PPP2R5C: variants seen among roughly 807,000 people sequenced by gnomAD.
PPP2R5C encodes the protein serine/threonine-protein phosphatase 2A 56 kDa regulatory subunit gamma isoform.
A neutral mutation model predicts 68.9 loss-of-function variants in PPP2R5C; 7 were observed. The ratio of observed to expected loss-of-function variants is 0.10; its 90% CI spans 0.06 to 0.19. PPP2R5C has a LOEUF of 0.19. PPP2R5C is among the 10% of genes least tolerant of loss of function. PPP2R5C has a pLI of 1.00. For missense variants in PPP2R5C, 348 were observed against 641.3 expected (o/e 0.54, Z 4.94); for synonymous variants, 210 against 222.2 (o/e 0.95, Z 0.49).
At position 101,882,577 on chromosome 14, in the gene PPP2R5C, T is replaced by A. The variant is rs2044229493; in HGVS notation, c.405+306T>A. 4.1e-6 allele frequency: 1 copy of A among 241,688 alleles called. No homozygotes were observed. Among genetic ancestry groups the A allele is most frequent in the Admixed American group, 5.4e-5 (1 of 18,600 alleles). The allele number at this position is 241,688 out of a possible 1,614,324, so 15.0% of individuals were successfully genotyped here. A position where few individuals can be genotyped will look rare whatever the true frequency, so the allele number is the denominator to read the frequency against. The stretch of plus-strand genomic sequence containing the variant: ...GTCCTAAGCCAACAATCTCCCAGTT[T>A]TTGCTCCTCATATTTAATAGGTGCC... On this transcript the variant is annotated intron_variant, in intron 3 of 13. Transcript: ENST00000334743. The surrounding 1 kb of genome is among the most constrained non-coding windows in gnomAD (Gnocchi z 4.9).
intron 5 of PPP2R5C, among the ~76,000 whole-genome samples, chr14:101,887,108 A>G (rs2044578493): frequency 6.6e-6 from 1 of 152,228 alleles, no homozygotes; most frequent in African/African-American, 2.4e-5. Context: ...GGCTCAACTT[A>G]ACTGAAAATG....
rs1711918007 is a variant in PPP2R5C at position 101,906,648 on chromosome 14, G to A, written c.1151+119G>A. On this transcript the variant is annotated intron_variant, in intron 10 of 13. Transcript: ENST00000334743. This position sits in a 1 kb window ranked among gnomAD's most constrained non-coding sequence, Gnocchi z 4.0. Reference sequence around the variant, plus strand: ...TATCAATTAAAAAACAAGAAGGTCAGTTGCTTTGTGGACTCATAAATTAAG... The same window carrying A: ...TATCAATTAAAAAACAAGAAGGTCAATTGCTTTGTGGACTCATAAATTAAG... 2 of 1,334,296 alleles carry A rather than the reference G, an allele frequency of 1.5e-6. No homozygotes were observed. Among genetic ancestry groups the A allele is most frequent in the Admixed American group, 2.5e-5 (1 of 39,726 alleles). 82.7% of individuals were successfully genotyped at this position (1,334,296 alleles called of 1,614,324 possible).
intron 2 of PPP2R5C, among the ~76,000 whole-genome samples, chr14:101,764,685 G>T (rs926903100): frequency 6.6e-6 from 1 of 152,038 alleles, no homozygotes; most frequent in African/African-American, 2.4e-5. Flanking sequence ...GACAACTGAG[G>T]TTTACTGTGC....
In PPP2R5C at chr14:101,882,054, G is replaced by A; in HGVS notation, c.295-107G>A. The A allele has an allele frequency of 1.1e-6, 1 of 907,584 alleles. No individual in the cohort carries two copies. Among genetic ancestry groups the A allele is most frequent in the Non-Finnish European group, 1.6e-6 (1 of 622,062 alleles). The allele number at this position is 907,584 out of a possible 1,614,324, so 56.2% of individuals were successfully genotyped here. On this transcript the variant is annotated intron_variant, in intron 2 of 13. Transcript: ENST00000334743. The surrounding 1 kb of genome is among the most constrained non-coding windows in gnomAD (Gnocchi z 4.9). Reference sequence around the variant, plus strand: ...CGTTTTGAGGATACGGAGGAGCTAAGTTACCATGGGAAGCGGCTACTGTTA... The same window carrying A: ...CGTTTTGAGGATACGGAGGAGCTAAATTACCATGGGAAGCGGCTACTGTTA...
rs111526725 is a variant in PPP2R5C at position 101,913,148 on chromosome 14, T to G, written c.1326+675T>G. ...GCTGCTGTAAATGACTAGAGCGTTATGACAGTTTCTTCACGTTCTGTGTGC... is the reference window on the plus strand; with the variant it reads ...GCTGCTGTAAATGACTAGAGCGTTAGGACAGTTTCTTCACGTTCTGTGTGC... On this transcript the variant is annotated intron_variant, in intron 12 of 13. Coordinates refer to ENST00000334743, the Ensembl canonical transcript of PPP2R5C. The surrounding 1 kb of genome is among the most constrained non-coding windows in gnomAD (Gnocchi z 4.1). Among the ~76,000 whole-genome samples the G allele has an allele frequency of 2.0e-5, 3 of 152,264 alleles. No individual in the cohort carries two copies. Among genetic ancestry groups the G allele is most frequent in the Non-Finnish European group, 4.4e-5 (3 of 68,048 alleles).
intron 3 of PPP2R5C, among the ~76,000 whole-genome samples, chr14:101,793,512 G>C (rs992161488): frequency 1.3e-5 from 2 of 152,264 alleles, no homozygotes; most frequent in African/African-American, 4.8e-5. Flanking sequence ...GGGAGGGGAA[G>C]TGCAGGTGAG....
intron 2 of PPP2R5C, among the ~76,000 whole-genome samples, chr14:101,878,309 A>G (rs1472337528): frequency 6.6e-6 from 1 of 152,202 alleles, no homozygotes; most frequent in Non-Finnish European, 1.5e-5. Flanking sequence ...TGAGTCCATG[A>G]CAGACACTGA....
intron 3 of PPP2R5C, among the ~76,000 whole-genome samples, chr14:101,791,187 C>A (rs1347832750): frequency 2.6e-5 from 4 of 152,234 alleles, no homozygotes; most frequent in Non-Finnish European, 5.9e-5. Context: ...TCTGATGTGG[C>A]CACATTCTTG....
chr14:101,815,255 A>T (rs1468613767), intron 1 of PPP2R5C, among the ~76,000 whole-genome samples: 1 of 152,176 alleles, frequency 6.6e-6, no homozygotes, highest in African/African-American at 2.4e-5. Context: ...AGCAAAGCTC[A>T]TGTTCTTTGC....
At chr14:101,881,952 C>T (rs1190943785) in intron 2 of PPP2R5C, among the ~76,000 whole-genome samples, 1 of 152,152 alleles carries the variant, frequency 6.6e-6, no homozygotes, top group Non-Finnish European at 1.5e-5. Context: ...GGTCAACTTG[C>T]GTGCGCACCT....
At chr14:101,900,068 G>C (rs555983122) in intron 8 of PPP2R5C, among the ~76,000 whole-genome samples, 47 of 151,862 alleles carry the variant, frequency 3.1e-4, no homozygotes, top group South Asian at 1.5e-3. Context: ...TAAATTTTGT[G>C]TAGAGACAGG....
chr14:101,894,843 G>A (rs1164833415), intron 8 of PPP2R5C, among the ~76,000 whole-genome samples: 1 of 152,136 alleles, frequency 6.6e-6, no homozygotes, highest in African/African-American at 2.4e-5. Context: ...GGTTATTGTA[G>A]CCACTAAATT....
At chr14:101,893,497 A>G (rs1397556404) in intron 7 of PPP2R5C, among the ~76,000 whole-genome samples, 2 of 152,336 alleles carry the variant, frequency 1.3e-5, no homozygotes, top group East Asian at 3.9e-4. Flanking sequence ...GCTGCCTATA[A>G]TCCCAGCACT....
chr14:101,893,897 T>C (rs1342562514), intron 7 of PPP2R5C, among the ~76,000 whole-genome samples: 3 of 152,260 alleles, frequency 2.0e-5, no homozygotes, highest in African/African-American at 4.8e-5. Flanking sequence ...TTGGCTGCAG[T>C]GGGCGTCTTT....
chr14:101,906,616 T>C lies in PPP2R5C; in HGVS notation c.1151+87T>C. On this transcript the variant is annotated intron_variant, in intron 10 of 13. Transcript: ENST00000334743. The surrounding 1 kb of genome is among the most constrained non-coding windows in gnomAD (Gnocchi z 4.0). ...ACTTCAGTAAGAATAAATATCAGAATTTTAAATATCAATTAAAAAACAAGA... is the reference window on the plus strand; with the variant it reads ...ACTTCAGTAAGAATAAATATCAGAACTTTAAATATCAATTAAAAAACAAGA... The C allele has an allele frequency of 7.0e-7, 1 of 1,438,010 alleles. No individual in the cohort carries two copies. Among genetic ancestry groups the C allele is most frequent in the East Asian group, 2.3e-5 (1 of 42,572 alleles). 89.1% of individuals were successfully genotyped at this position (1,438,010 alleles called of 1,614,324 possible).
upstream of PPP2R5C, among the ~76,000 whole-genome samples, chr14:101,761,632 G>T: frequency 7.5e-6 from 1 of 132,760 alleles, no homozygotes; most frequent in South Asian, 2.4e-4. Flanking sequence ...GCCGGGGGGT[G>T]GGAGGAGAGG....
chr14:101,895,567 C>T (rs1414421975), intron 8 of PPP2R5C, among the ~76,000 whole-genome samples: 3 of 152,142 alleles, frequency 2.0e-5, no homozygotes, highest in Admixed American at 2.0e-4. Context: ...AATCATAAAA[C>T]GCTTGTCCTT....
chr14:101,901,267 A>AT (rs935265065), intron 8 of PPP2R5C, among the ~76,000 whole-genome samples: 10 of 150,982 alleles, frequency 6.6e-5, no homozygotes, highest in Middle Eastern at 3.4e-3. Flanking sequence ...CTAACTTCTT[A>AT]TTTTTTTTTC....
intron 2 of PPP2R5C, among the ~76,000 whole-genome samples, chr14:101,872,200 A>G (rs1162399783): frequency 6.9e-6 from 1 of 144,550 alleles, no homozygotes; most frequent in African/African-American, 2.6e-5. Context: ...TATCTGCAAA[A>G]GCCTTTCTTT....
Sources: allele counts gnomAD v4.1 joint callset (sites outside exome capture counted in the v4.1 genomes callset), GRCh38; gene constraint gnomAD v4.1.1; non-coding constraint Gnocchi (gnomAD v3.1); transcripts MANE v1.5; gene names NCBI Gene and HGNC (gene_info 2026-07-23, HGNC 2026-07-21).